EPB41L5: variants seen among roughly 807,000 people sequenced by gnomAD.
The protein encoded by EPB41L5 is erythrocyte membrane protein band 4.1 like 5.
A neutral mutation model predicts 106.6 loss-of-function variants in EPB41L5; 55 were observed. The ratio of observed to expected loss-of-function variants is 0.52; its 90% CI spans 0.42 to 0.65. The LOEUF is 0.65. EPB41L5 is among the 30% of genes least tolerant of loss of function. The pLI, the probability that EPB41L5 is intolerant of heterozygous loss-of-function variation, is 0.00. For missense variants in EPB41L5, 871 were observed against 882.1 expected (o/e 0.99, Z 0.16); for synonymous variants, 297 against 306.7 (o/e 0.97, Z 0.33).
chr2:120,159,655 C>G (rs1037284190), intron 20 of EPB41L5, among the ~76,000 whole-genome samples: 3 of 152,104 alleles, frequency 2.0e-5, no homozygotes, highest in Non-Finnish European at 2.9e-5. Flanking sequence ...TCAAACTGTA[C>G]TCCAGGGCTA....
intron 3 of EPB41L5, among the ~76,000 whole-genome samples, chr2:120,069,908 T>G (rs1681741653): frequency 6.6e-6 from 1 of 152,032 alleles, no homozygotes; most frequent in African/African-American, 2.4e-5. Flanking sequence ...TTAAAAGAAC[T>G]AGAGAAGCAA....
intron 1 of EPB41L5, among the ~76,000 whole-genome samples, chr2:120,017,963 ATT>A (rs34151177): frequency 2.3e-5 from 3 of 131,064 alleles, no homozygotes; most frequent in African/African-American, 2.9e-5. Context: ...CACCCGGCCA[ATT>A]TTTTTTTTTT....
chr2:120,078,517 T>C lies in EPB41L5; in HGVS notation c.739T>C (p.Leu247=). ...VKARDGNDYS[L]GLTPTGVLVF... The stretch of plus-strand genomic sequence containing the variant: ...GGCTAGAGATGGGAATGACTATAGT[T>C]TGGGACTAACACCAACAGGAGTCCT... The change falls in exon 10 of 25, where the codon TTG becomes CTG. Residue 247 remains leucine (L), a synonymous_variant. Transcript: ENST00000263713. 1 of 1,609,430 alleles carries C rather than the reference T, an allele frequency of 6.2e-7. No homozygotes were observed. Among genetic ancestry groups the C allele is most frequent in the South Asian group, 1.1e-5 (1 of 90,242 alleles).
chr2:120,069,676 C>T (rs1049591274), intron 3 of EPB41L5, among the ~76,000 whole-genome samples: 2 of 152,160 alleles, frequency 1.3e-5, no homozygotes, highest in African/African-American at 4.8e-5. Context: ...CTCAGAATAG[C>T]ACAACTACAT....
chr2:120,061,848 A>C (rs1458324181), intron 3 of EPB41L5, among the ~76,000 whole-genome samples: 1 of 152,146 alleles, frequency 6.6e-6, no homozygotes, highest in Non-Finnish European at 1.5e-5. Flanking sequence ...TTGTTTGGAA[A>C]GCTTGTTTAT....
At chr2:120,151,609 CCTTT>C (rs200697828) in intron 20 of EPB41L5, among the ~76,000 whole-genome samples, 7,489 of 145,262 alleles carry the variant, frequency 0.052, 666 homozygotes, top group African/African-American at 0.18. Flanking sequence ...TGCGTCTGGC[CCTTT>C]TTTTTTTTTT....
chr2:120,144,743 C>T (rs1013939761), intron 19 of EPB41L5, among the ~76,000 whole-genome samples: 9 of 152,314 alleles, frequency 5.9e-5, no homozygotes, highest in Admixed American at 1.3e-4. Flanking sequence ...CAGACCACTA[C>T]TCCTCTTGAA....
intron 16 of EPB41L5, among the ~76,000 whole-genome samples, chr2:120,126,295 C>T (rs78993259): frequency 0.059 from 8,902 of 152,108 alleles, 377 homozygotes; most frequent in Non-Finnish European, 0.086. Context: ...GACACTGAAA[C>T]ATTTATAGTT....
chr2:120,045,929 A>G (rs1679741456), intron 3 of EPB41L5, among the ~76,000 whole-genome samples: 2 of 149,366 alleles, frequency 1.3e-5, no homozygotes, highest in African/African-American at 5.0e-5. Context: ...TGTCCTTGTG[A>G]TAGTTTGCTG....
In EPB41L5 at chr2:120,082,862, G is replaced by A. The variant is rs528614536; in HGVS notation, c.803+4281G>A. ...GGTGTATGTGTCCAGGAATTTATCC[G>A]TCTATTCTAGATTTTTTGTTTATTT... On this transcript the variant is annotated intron_variant, in intron 10 of 24. Coordinates refer to ENST00000263713, the MANE Select transcript of EPB41L5 (RefSeq NM_020909.4). Among the ~76,000 whole-genome samples, 53 of 152,104 alleles carry A rather than the reference G, an allele frequency of 3.5e-4. No individual in the cohort carries two copies. In the South Asian group the frequency reaches 9.6e-3, roughly 27 times the overall value.
intron 17 of EPB41L5, 94 bp downstream of exon 17, chr2:120,127,945 C>G: frequency 1.7e-6 from 2 of 1,166,982 alleles, no homozygotes; most frequent in South Asian, 2.0e-5. Flanking sequence ...ATTTTTTGTA[C>G]TAGTTCAACT....
intron 3 of EPB41L5, among the ~76,000 whole-genome samples, chr2:120,058,071 C>T (rs975693317): frequency 9.9e-5 from 15 of 152,080 alleles, no homozygotes; most frequent in African/African-American, 3.6e-4. Context: ...GGTTGGTGTG[C>T]ACATTAAAGA....
chr2:120,169,850 A>T (rs1687592888), intron 24 of EPB41L5, among the ~76,000 whole-genome samples: 1 of 152,228 alleles, frequency 6.6e-6, no homozygotes, highest in South Asian at 2.1e-4. Context: ...AATTCAAACT[A>T]CCATGTCACA....
chr2:120,071,712 A>G (rs1483668837), intron 3 of EPB41L5, among the ~76,000 whole-genome samples: 3 of 152,232 alleles, frequency 2.0e-5, no homozygotes, highest in African/African-American at 4.8e-5. Context: ...GTGTTGGGAA[A>G]ACTGGCTAGC....
At chr2:120,076,051 T>C (rs1682210961) in intron 7 of EPB41L5, among the ~76,000 whole-genome samples, 1 of 152,236 alleles carries the variant, frequency 6.6e-6, no homozygotes, top group Non-Finnish European at 1.5e-5. Flanking sequence ...AATGCAGTTA[T>C]GTAGGAGTGA....
intron 21 of EPB41L5, among the ~76,000 whole-genome samples, chr2:120,163,116 A>G (rs1263523328): frequency 6.6e-6 from 1 of 152,064 alleles, no homozygotes; most frequent in Non-Finnish European, 1.5e-5. Flanking sequence ...TTAGCCAGGC[A>G]TAGTTTGGCA....
intron 3 of EPB41L5, among the ~76,000 whole-genome samples, chr2:120,063,114 C>T (rs1458794080): frequency 2.6e-5 from 4 of 151,742 alleles, no homozygotes; most frequent in Non-Finnish European, 4.4e-5. Flanking sequence ...CTGAGGTGGG[C>T]AGATCATATG....
In EPB41L5 at chr2:120,083,870, C is replaced by G. The variant is rs1265807573; in HGVS notation, c.804-3301C>G. ...CATTATGTAATGGCCTTCTTTGTCT[C>G]TTTTGATCTTTGTTGGTTTCAGGTC... is the stretch of plus-strand genomic sequence containing the variant. On this transcript the variant is annotated intron_variant, in intron 10 of 24. Coordinates refer to ENST00000263713, the MANE Select transcript of EPB41L5 (RefSeq NM_020909.4). 4.6e-5 allele frequency among the ~76,000 whole-genome samples: 7 copies of G among 152,286 alleles called. No individual in the cohort carries two copies. The East Asian group carries it at 1.3e-3, about 29-fold the overall frequency.
intron 16 of EPB41L5, among the ~76,000 whole-genome samples, chr2:120,119,929 A>G (rs549223829): frequency 1.0e-3 from 159 of 152,318 alleles, no homozygotes; most frequent in Admixed American, 1.9e-3. Context: ...ATAAAAAGCT[A>G]AGAAAACTCA....
Sources: allele counts gnomAD v4.1 joint callset (sites outside exome capture counted in the v4.1 genomes callset), GRCh38; gene constraint gnomAD v4.1.1; transcripts MANE v1.5; gene names NCBI Gene and HGNC (gene_info 2026-07-23, HGNC 2026-07-21).